ADGRE3: variants seen among roughly 807,000 people sequenced by gnomAD.
ADGRE3 encodes adhesion G protein-coupled receptor E3.
ADGRE3 carries 88 observed loss-of-function variants against 80.1 expected under a neutral mutation model. The ratio of observed to expected loss-of-function variants is 1.10; its 90% confidence interval spans 0.93 to 1.31. The LOEUF (loss-of-function observed/expected upper bound fraction) is 1.31, where lower values mean the gene tolerates loss of function less well. ADGRE3 is among the 40% of genes most tolerant of loss of function. The probability of loss-of-function intolerance (pLI) is 0.00; values close to 1 mark genes in which losing one functional copy is unlikely to be tolerated. For missense variants in ADGRE3, 715 were observed against 776.5 expected (o/e 0.92, Z 0.94); for synonymous variants, 281 against 294.8 (o/e 0.95, Z 0.48).
intron 14 of ADGRE3, among the ~76,000 whole-genome samples, 154 bp from the exon 15 acceptor site, chr19:14,625,753 T>G (rs1429850466): frequency 6.6e-6 from 1 of 152,174 alleles, no homozygotes; most frequent in Non-Finnish European, 1.5e-5. Flanking sequence ...CTCAGTCTTA[T>G]AAAGGAAGGA....
chr19:14,609,993 A>G, the ADGRE3 span: 3 of 1,120,738 alleles, frequency 2.7e-6, no homozygotes, highest in Non-Finnish European at 2.7e-6. Context: ...ATTCATCATT[A>G]CAGTATTATA....
At chr19:14,641,379 C>T in intron 10 of ADGRE3, 40 bp downstream of exon 10, 1 of 1,612,624 alleles carries the variant, frequency 6.2e-7, no homozygotes, top group Non-Finnish European at 8.5e-7. Context: ...CTCAGTGTAC[C>T]TTGGGGCAGA....
chr19:14,642,392 A>G (rs971047440), intron 9 of ADGRE3, among the ~76,000 whole-genome samples: 29 of 152,326 alleles, frequency 1.9e-4, no homozygotes, highest in African/African-American at 7.0e-4. Flanking sequence ...TGTGCTATGC[A>G]GTACCAGTTT....
At chr19:14,658,280 A>G (rs1971831894) in intron 5 of ADGRE3, among the ~76,000 whole-genome samples, 1 of 150,662 alleles carries the variant, frequency 6.6e-6, no homozygotes, top group Non-Finnish European at 1.5e-5. Flanking sequence ...ATAATATATA[A>G]TTGTATATAA....
chr19:14,663,939 GC>G (rs1442001821), intron 2 of ADGRE3, among the ~76,000 whole-genome samples: 1 of 151,582 alleles, frequency 6.6e-6, no homozygotes, highest in Non-Finnish European at 1.5e-5. Context: ...CCCTCCCCCA[GC>G]CCCCCACTCC....
intron 4 of ADGRE3, among the ~76,000 whole-genome samples, chr19:14,660,867 A>G (rs978573217): frequency 6.6e-6 from 1 of 151,380 alleles, no homozygotes; most frequent in African/African-American, 2.4e-5. Flanking sequence ...GAGAGAGTCA[A>G]CTGATCTCTC....
intron 14 of ADGRE3, 25 bp from the exon 15 acceptor site, chr19:14,625,624 G>T: frequency 6.7e-7 from 1 of 1,493,038 alleles, no homozygotes; most frequent in Non-Finnish European, 9.3e-7. Context: ...GAAATACCTG[G>T]ATGGGTTTTG....
At chr19:14,626,245 G>C (rs1331632382) in intron 14 of ADGRE3, among the ~76,000 whole-genome samples, 1 of 151,888 alleles carries the variant, frequency 6.6e-6, no homozygotes, top group Non-Finnish European at 1.5e-5. Flanking sequence ...GACCATTCTG[G>C]CTAACACGGT....
chr19:14,630,224 A>C lies in ADGRE3; in HGVS notation c.1644-17T>G. ...GCCAGCATCCTGGGAGGAGGAAGTC[A>C]GAGATTAGGATGTCAAAAAACTAAT... On this transcript the variant is annotated splice_polypyrimidine_tract_variant and intron_variant, in intron 13 of 15. Coordinates refer to ENST00000253673, the MANE Select transcript of ADGRE3 (RefSeq NM_032571.5). The C allele has an allele frequency of 5.0e-6, 8 of 1,588,292 alleles. No homozygotes were observed. The highest frequency in any genetic ancestry group is 6.9e-6 in the Non-Finnish European group (8 of 1,166,066).
intron 13 of ADGRE3, among the ~76,000 whole-genome samples, chr19:14,632,191 T>C (rs726789): frequency 0.29 from 44,523 of 152,042 alleles, 7,005 homozygotes; most frequent in South Asian, 0.49. Context: ...TAGATTGATC[T>C]CTATTGGCTG....
At chr19:14,662,173 C>G in intron 3 of ADGRE3, 55 bp from the exon 4 acceptor site, 1 of 1,561,836 alleles carries the variant, frequency 6.4e-7, no homozygotes, top group African/African-American at 1.4e-5. Context: ...TATTGAGCAG[C>G]TACTATGTGT....
chr19:14,631,762 T>TTG (rs1009116428), intron 13 of ADGRE3, among the ~76,000 whole-genome samples: 2 of 152,064 alleles, frequency 1.3e-5, no homozygotes, highest in Non-Finnish European at 2.9e-5. Context: ...TGTGATCCTA[T>TTG]TGTGTGTGTG....
At chr19:14,670,511 T>C (rs1972227034) in intron 1 of ADGRE3, among the ~76,000 whole-genome samples, 1 of 152,204 alleles carries the variant, frequency 6.6e-6, no homozygotes, top group South Asian at 2.1e-4. Context: ...TGATGGGGGA[T>C]ATTATTTCCA....
At chr19:14,638,005 G>C in intron 11 of ADGRE3, 100 bp downstream of exon 11, 1 of 814,608 alleles carries the variant, frequency 1.2e-6, no homozygotes. Flanking sequence ...GGAGAACGTA[G>C]AGTGCATTGG....
At chr19:14,636,096 T>TTCTTTCTTTCTTTCTCTC (rs1971059229) in intron 11 of ADGRE3, among the ~76,000 whole-genome samples, 1 of 44,114 alleles carries the variant, frequency 2.3e-5, no homozygotes, top group Admixed American at 2.8e-4. Context: ...CTTTCTTTCT[T>TTCTTTCTTTCTTTCTCTC]TCTTTCTTTC....
At position 14,662,072 on chromosome 19, in the gene ADGRE3, G is replaced by A. The variant is rs774575203; in HGVS notation, c.246C>T (p.Asn82=). The A allele has an allele frequency of 1.4e-5, 23 of 1,613,940 alleles. No homozygotes were observed. Among genetic ancestry groups the A allele is most frequent in the Middle Eastern group, 1.6e-4 (1 of 6,084 alleles). The part of the protein sequence containing the change: ...TPPYSVYCGF[N]AVCYNVEGSF... ...TTCCTTCGACATTGTAACACACAGC[G>A]TTAAATCCACAATATACACTATAGG... Residue 82 remains asparagine (N), a synonymous_variant, in exon 4 of 16, where the codon AAC becomes AAT. Transcript: ENST00000253673.
downstream of ADGRE3, among the ~76,000 whole-genome samples, chr19:14,617,086 C>A (rs1433051503): frequency 6.6e-6 from 1 of 151,938 alleles, no homozygotes; most frequent in African/African-American, 2.4e-5. Context: ...TGAGCCACCA[C>A]ACCCCACCTT....
chr19:14,615,375 T>C (rs1335344920), downstream of ADGRE3, among the ~76,000 whole-genome samples: 2 of 151,964 alleles, frequency 1.3e-5, no homozygotes, highest in East Asian at 3.9e-4. Context: ...AAGTCCCCAC[T>C]AGGGTAAAGC....
the ADGRE3 span, among the ~76,000 whole-genome samples, chr19:14,607,328 C>T: frequency 1.5e-4 from 22 of 151,634 alleles, no homozygotes; most frequent in South Asian, 2.1e-4. Flanking sequence ...CTCAGCCTCC[C>T]GAGTGGCTGG....
Sources: gnomAD v4.1 joint callset for allele counts (sites outside exome capture counted in the v4.1 genomes callset) on GRCh38, gnomAD v4.1.1 for gene constraint, MANE v1.5 for transcripts, NCBI Gene and HGNC (gene_info 2026-07-23, HGNC 2026-07-21) for gene names.